Variants in SRGAP1 observed in about 807,000 individuals in gnomAD.
SRGAP1 encodes SLIT-ROBO Rho GTPase activating protein 1, also known as SLIT-ROBO Rho GTPase-activating protein 1.
SRGAP1 carries 43 observed loss-of-function variants against 121.9 expected under a neutral mutation model. The observed-to-expected ratio is 0.35, with a 90% confidence interval of 0.28 to 0.46. SRGAP1 has a LOEUF of 0.46. Among genes scored for constraint, SRGAP1 ranks in the 20% least tolerant of loss-of-function variants. The pLI is 1.00. For synonymous variants in SRGAP1, 447 were observed against 485.4 expected (o/e 0.92, Z 1.04); for missense variants, 1,102 against 1,350.9 (o/e 0.82, Z 2.89).
chr12:64,144,206 C>A lies in SRGAP1; in HGVS notation c.*1534C>A, dbSNP rs1236405579. 8.3e-6 allele frequency: 1 copy of A among 120,000 alleles called. No individual in the cohort carries two copies. The highest frequency in any genetic ancestry group is 1.8e-5 in the Non-Finnish European group (1 of 55,536). The allele number at this position is 120,000 out of a possible 1,614,324, so 7.4% of individuals were successfully genotyped here. On this transcript the variant is annotated 3_prime_UTR_variant, in exon 22 of 22. Transcript: ENST00000355086. ...TAGACCTATGAGCATTTTATCTATT[C>A]TATCATTGAAGTTACTGATAAAGAT...
At chr12:63,852,489 A>G (rs1259753427) in intron 1 of SRGAP1, among the ~76,000 whole-genome samples, 1 of 152,210 alleles carries the variant, frequency 6.6e-6, no homozygotes, top group Non-Finnish European at 1.5e-5. Context: ...TAGAATAGAC[A>G]ATGCATACAG....
At chr12:63,948,303 C>T (rs1056520286) in intron 1 of SRGAP1, among the ~76,000 whole-genome samples, 12 of 152,140 alleles carry the variant, frequency 7.9e-5, no homozygotes, top group African/African-American at 2.4e-4. Context: ...CCCAGTCTCT[C>T]TTCCTTCCTG....
At chr12:63,999,113 T>C (rs1168413303) in intron 3 of SRGAP1, among the ~76,000 whole-genome samples, 1 of 151,930 alleles carries the variant, frequency 6.6e-6, no homozygotes, top group East Asian at 1.9e-4. Context: ...AAAATGGTGG[T>C]AAAGGAGCAG....
In SRGAP1 at chr12:63,856,889, T is replaced by C. The variant is rs74740754; in HGVS notation, c.67+12006T>C. Among the ~76,000 whole-genome samples the C allele has an allele frequency of 6.5e-3, 992 of 152,340 alleles. 5 individuals carry two copies. Among genetic ancestry groups the C allele is most frequent in the African/African-American group, 0.022 (922 of 41,568 alleles). On this transcript the variant is annotated intron_variant, in intron 1 of 21. Transcript: ENST00000355086. ...AATCAGTTAGGGAAGAATTGGCATC[T>C]ATATATTAGTTCTTCCTACCTGTGA...
Position 64,065,157 on chromosome 12 carries a change from C to CT in SRGAP1, c.1064dup (p.Met356HisfsTer19). On this transcript the variant is annotated frameshift_variant, in exon 8 of 22. Transcript: ENST00000355086. LOFTEE classifies it high-confidence loss of function. ...TGCCCAGCAGCCAGTCCAGGCAGAG[C>CT]TCATGCTCAGGTACCAACAGTTGCA... 6.2e-7 allele frequency: 1 copy of CT among 1,613,742 alleles called. No individual in the cohort carries two copies. Among genetic ancestry groups the CT allele is most frequent in the Non-Finnish European group, 8.5e-7 (1 of 1,179,908 alleles).
intron 15 of SRGAP1, among the ~76,000 whole-genome samples, chr12:64,099,574 G>C (rs1437188530): frequency 6.6e-6 from 1 of 152,146 alleles, no homozygotes; most frequent in East Asian, 1.9e-4. Context: ...TTGGAATTTA[G>C]AAGTACAGCT....
At chr12:64,097,449 C>A in intron 15 of SRGAP1, 74 bp downstream of exon 15, 1 of 1,522,400 alleles carries the variant, frequency 6.6e-7, no homozygotes, top group Non-Finnish European at 8.9e-7. Context: ...AGGCAGTGGC[C>A]CCCCTCCATA....
At chr12:63,909,134 C>A (rs913430656) in intron 1 of SRGAP1, among the ~76,000 whole-genome samples, 3 of 151,798 alleles carry the variant, frequency 2.0e-5, no homozygotes, top group Non-Finnish European at 4.4e-5. Context: ...GTGATCCACT[C>A]GCCTCAGCCT....
rs547531589 is a variant in SRGAP1, at chr12:63,894,983, G to T, written c.67+50100G>T. 5.9e-5 allele frequency among the ~76,000 whole-genome samples: 9 copies of T among 152,198 alleles called. No individual in the cohort carries two copies. The South Asian group carries it at 1.7e-3, about 28-fold the overall frequency. ...AGCAGCATGATTTATAATCCTTTGG[G>T]TCTATACCCAGTGATGGGATGGCTG... On this transcript the variant is annotated intron_variant, in intron 1 of 21. Transcript: ENST00000355086.
intron 1 of SRGAP1, among the ~76,000 whole-genome samples, chr12:63,971,389 G>T (rs1051972547): frequency 4.6e-5 from 7 of 152,368 alleles, no homozygotes; most frequent in South Asian, 2.1e-4. Context: ...CTACCTGGAA[G>T]ATGCTCAGTA....
Position 63,872,075 on chromosome 12 carries a change from T to C in SRGAP1, c.67+27192T>C, listed in dbSNP as rs1203768830. The C allele has an allele frequency of 8.6e-6, 6 of 695,418 alleles. No homozygotes were observed. In the South Asian group the frequency reaches 1.0e-4, roughly 12 times the overall value. The allele number at this position is 695,418 out of a possible 1,614,324, so 43.1% of individuals were successfully genotyped here. A position where few individuals can be genotyped will look rare whatever the true frequency, so the allele number is the denominator to read the frequency against. On this transcript the variant is annotated intron_variant, in intron 1 of 21. Coordinates refer to ENST00000355086, the MANE Select transcript of SRGAP1 (RefSeq NM_020762.4). ...CAGCAGGGCTGTTCTGTTTATATGA[T>C]GAACACAAGAAACAGTGTCCGAGAC...
chr12:63,855,479 T>TTG (rs1899212148), intron 1 of SRGAP1, among the ~76,000 whole-genome samples: 1 of 100,658 alleles, frequency 9.9e-6, no homozygotes, highest in Non-Finnish European at 2.1e-5. Flanking sequence ...TGGTGTTTTT[T>TTG]TTTTTTTTTT....
intron 10 of SRGAP1, among the ~76,000 whole-genome samples, chr12:64,082,257 T>C (rs1014991973): frequency 1.3e-5 from 2 of 152,002 alleles, no homozygotes; most frequent in African/African-American, 2.4e-5. Context: ...TCTGAAACTT[T>C]TATGGTACCT....
At chr12:63,854,249 T>A (rs969826462) in intron 1 of SRGAP1, among the ~76,000 whole-genome samples, 7 of 152,332 alleles carry the variant, frequency 4.6e-5, no homozygotes, top group African/African-American at 1.7e-4. Context: ...TACTGTCATT[T>A]TGTAGCTTTC....
intron 4 of SRGAP1, chr12:64,032,588 C>T: frequency 1.5e-6 from 1 of 670,786 alleles, no homozygotes; most frequent in South Asian, 2.0e-5. Context: ...CACATAAGTC[C>T]TGCCCCCGAC....
chr12:63,981,267 A>G (rs994666764), intron 1 of SRGAP1, among the ~76,000 whole-genome samples: 5 of 152,196 alleles, frequency 3.3e-5, no homozygotes, highest in African/African-American at 1.2e-4. Flanking sequence ...AGACCCAAGA[A>G]AAAAGCCTGT....
At chr12:64,014,206 T>G (rs928189758) in intron 3 of SRGAP1, among the ~76,000 whole-genome samples, 12 of 152,210 alleles carry the variant, frequency 7.9e-5, no homozygotes, top group African/African-American at 2.9e-4. Context: ...AGACTTCACC[T>G]TAGGCATTCT....
intron 1 of SRGAP1, chr12:63,983,350 T>C (rs1407902588): frequency 6.6e-6 from 1 of 152,198 alleles, no homozygotes; most frequent in Non-Finnish European, 1.5e-5. Flanking sequence ...TGTTACGAAT[T>C]GTTATCTGAA....
chr12:64,062,257 T>G (rs2035463627), intron 6 of SRGAP1, among the ~76,000 whole-genome samples: 1 of 152,204 alleles, frequency 6.6e-6, no homozygotes, highest in Non-Finnish European at 1.5e-5. Context: ...TGGTTTTGAC[T>G]TGCATTTCTC....
Sources: gnomAD v4.1 joint callset for allele counts (sites outside exome capture counted in the v4.1 genomes callset) on GRCh38, gnomAD v4.1.1 for gene constraint, MANE v1.5 for transcripts, NCBI Gene and HGNC (gene_info 2026-07-23, HGNC 2026-07-21) for gene names.